Variants in DYNC1LI2 observed in about 807,000 individuals in gnomAD.
DYNC1LI2 encodes dynein cytoplasmic 1 light intermediate chain 2.
Under a neutral mutation model 57.8 loss-of-function variants are expected in DYNC1LI2, and 19 were observed. That is an observed-to-expected ratio of 0.33 (90% CI 0.23 to 0.48). The LOEUF is 0.48. Ranked by LOEUF, DYNC1LI2 falls within the 20% of genes least tolerant of loss-of-function variation. The pLI, the probability that DYNC1LI2 is intolerant of heterozygous loss-of-function variation, is 0.99. For missense variants in DYNC1LI2, 470 were observed against 604.2 expected (o/e 0.78, Z 2.33); for synonymous variants, 256 against 233.4 (o/e 1.10, Z -0.88).
At position 66,733,709 on chromosome 16, in the gene DYNC1LI2, A is replaced by G. The variant is rs372658950; in HGVS notation, c.793+509T>C. Among the ~76,000 whole-genome samples, 134 of 152,068 alleles carry G rather than the reference A, an allele frequency of 8.8e-4. 3 individuals carry two copies. The South Asian group carries it at 0.027, about 31-fold the overall frequency. On this transcript the variant is annotated intron_variant, in intron 6 of 12. Transcript: ENST00000258198. ...GACAAGAGTGAAGCTCTGTCTCAAA[A>G]CAAACAAACAAAAATCTGGAAGTGG...
intron 7 of DYNC1LI2, 183 bp downstream of exon 7, chr16:66,732,156 C>A: frequency 1.2e-6 from 1 of 800,112 alleles, no homozygotes; most frequent in Non-Finnish European, 1.9e-6. Context: ...GCACCCCTGA[C>A]CACACCACCC....
At chr16:66,750,198 G>A (rs937763070) in intron 2 of DYNC1LI2, among the ~76,000 whole-genome samples, 1 of 152,162 alleles carries the variant, frequency 6.6e-6, no homozygotes, top group Non-Finnish European at 1.5e-5. Context: ...CTCAGATCTG[G>A]TGATCTTGAT....
At chr16:66,742,007 C>T (rs1352612272) in intron 4 of DYNC1LI2, among the ~76,000 whole-genome samples, 2 of 151,644 alleles carry the variant, frequency 1.3e-5, no homozygotes, top group East Asian at 1.9e-4. Context: ...TTAGGACTTC[C>T]TCTAAGCCTG....
intron 3 of DYNC1LI2, among the ~76,000 whole-genome samples, chr16:66,745,378 A>C (rs1041111347): frequency 2.0e-5 from 3 of 151,982 alleles, no homozygotes. Flanking sequence ...TCCCAGGTTC[A>C]GGCGATCCTC....
At chr16:66,749,760 A>G (rs1419570601) in intron 2 of DYNC1LI2, among the ~76,000 whole-genome samples, 1 of 152,256 alleles carries the variant, frequency 6.6e-6, no homozygotes, top group African/African-American at 2.4e-5. Context: ...CTGCTTCACA[A>G]TGGTGAAGAA....
intron 4 of DYNC1LI2, among the ~76,000 whole-genome samples, chr16:66,739,689 A>C (rs529739962): frequency 1.7e-4 from 26 of 152,298 alleles, no homozygotes; most frequent in African/African-American, 5.8e-4. Context: ...AGCTTCCCAA[A>C]GTGCTGGGGT....
At chr16:66,746,180 C>T (rs2145006149) in intron 3 of DYNC1LI2, among the ~76,000 whole-genome samples, 1 of 151,740 alleles carries the variant, frequency 6.6e-6, no homozygotes, top group Admixed American at 6.6e-5. Context: ...TAATGCCTAC[C>T]CATCCACAGG....
At chr16:66,725,547 A>C (rs1162795984) in intron 12 of DYNC1LI2, among the ~76,000 whole-genome samples, 2 of 152,210 alleles carry the variant, frequency 1.3e-5, no homozygotes, top group African/African-American at 4.8e-5. Flanking sequence ...GTTCTACAAC[A>C]GGGCCACATA....
At chr16:66,749,942 C>T (rs1393062375) in intron 2 of DYNC1LI2, among the ~76,000 whole-genome samples, 1 of 152,212 alleles carries the variant, frequency 6.6e-6, no homozygotes, top group Non-Finnish European at 1.5e-5. Flanking sequence ...TCCCCGGATC[C>T]TTAAACATCA....
intron 5 of DYNC1LI2, 134 bp from the exon 6 acceptor site, chr16:66,734,445 G>A (rs2017694467): frequency 7.3e-6 from 6 of 817,936 alleles, no homozygotes; most frequent in Non-Finnish European, 1.1e-5. Flanking sequence ...ATTAATTAGA[G>A]AAGAGTAAAA....
chr16:66,728,099 T>A, intron 10 of DYNC1LI2, 102 bp downstream of exon 10: 1 of 1,499,028 alleles, frequency 6.7e-7, no homozygotes, highest in South Asian at 1.2e-5. Context: ...CCACTGAAAA[T>A]ACAAAACCCA....
chr16:66,734,332 GT>G, intron 5 of DYNC1LI2, 21 bp from the exon 6 acceptor site: 1 of 1,612,618 alleles, frequency 6.2e-7, no homozygotes, highest in South Asian at 1.1e-5. Context: ...GACAGACAGA[GT>G]CACCTTTTTG....
At chr16:66,747,123 AG>A (rs1216932781) in intron 3 of DYNC1LI2, among the ~76,000 whole-genome samples, 1 of 144,598 alleles carries the variant, frequency 6.9e-6, no homozygotes, top group African/African-American at 2.6e-5. Flanking sequence ...TCTGTTGCCC[AG>A]GCTGGAGTGC....
chr16:66,726,031 A>T, intron 11 of DYNC1LI2, 87 bp from the exon 12 acceptor site: 1 of 1,379,444 alleles, frequency 7.2e-7, no homozygotes, highest in Non-Finnish European at 9.9e-7. Flanking sequence ...GGCATTAGCC[A>T]CTTGTGGCTA....
intron 8 of DYNC1LI2, among the ~76,000 whole-genome samples, 176 bp downstream of exon 8, chr16:66,729,936 C>G (rs1297485023): frequency 1.3e-5 from 2 of 152,120 alleles, no homozygotes; most frequent in Non-Finnish European, 2.9e-5. Context: ...CGCTTGCCAC[C>G]ATACCCAGCT....
rs2017487426 is a variant in DYNC1LI2, at chr16:66,723,669, G to C, written c.*53C>G. The stretch of plus-strand genomic sequence containing the variant: ...TATCAGAAAAATCCTGGTCTTAGCA[G>C]ATCAATATACATAGTTATTTGGTCA... On this transcript the variant is annotated 3_prime_UTR_variant, in exon 13 of 13. Coordinates refer to ENST00000258198, the MANE Select transcript of DYNC1LI2 (RefSeq NM_006141.3). 6.5e-7 allele frequency: 1 copy of C among 1,532,256 alleles called. No individual in the cohort carries two copies. The highest frequency in any genetic ancestry group is 2.0e-5 in the Admixed American group (1 of 50,552). 94.9% of individuals were successfully genotyped at this position (1,532,256 alleles called of 1,614,324 possible). A position where few individuals can be genotyped will look rare whatever the true frequency, so the allele number is the denominator to read the frequency against.
intron 12 of DYNC1LI2, chr16:66,724,836 GAACAA>G (rs1389928462): frequency 6.6e-6 from 1 of 152,082 alleles, no homozygotes; most frequent in South Asian, 2.1e-4. Flanking sequence ...AAAAAAAATA[GAACAA>G]ATAAAACATC....
rs775473094 is a variant in DYNC1LI2 at position 66,751,418 on chromosome 16, G to C, written c.107+67C>G. On this transcript the variant is annotated intron_variant, in intron 1 of 12. Transcript: ENST00000258198. This position sits in a 1 kb window ranked among gnomAD's most constrained non-coding sequence, Gnocchi z 5.2. ...TGGCCCGGCTCGCGTCGGCCCCTCAGTGTGTCCGACGGTCCGGCCCAGAGG... is the reference window on the plus strand; with the variant it reads ...TGGCCCGGCTCGCGTCGGCCCCTCACTGTGTCCGACGGTCCGGCCCAGAGG... 1.1e-5 allele frequency: 18 copies of C among 1,592,808 alleles called. No individual in the cohort carries two copies. Among genetic ancestry groups the C allele is most frequent in the Non-Finnish European group, 6.8e-6 (8 of 1,171,684 alleles).
chr16:66,725,226 C>T (rs936997242), intron 12 of DYNC1LI2, among the ~76,000 whole-genome samples: 6 of 150,046 alleles, frequency 4.0e-5, no homozygotes, highest in African/African-American at 1.5e-4. Flanking sequence ...CACCTGTAAT[C>T]CCAGCACTTT....
Sources: gnomAD v4.1 joint callset for allele counts (sites outside exome capture counted in the v4.1 genomes callset) on GRCh38, gnomAD v4.1.1 for gene constraint, Gnocchi (gnomAD v3.1) non-coding constraint, MANE v1.5 for transcripts, NCBI Gene and HGNC (gene_info 2026-07-23, HGNC 2026-07-21) for gene names.